The following TNKS variants were observed in gnomAD, a reference collection of about 807,000 sequenced individuals.
The protein encoded by TNKS is tankyrase.
TNKS carries 72 observed loss-of-function variants against 135.8 expected under a neutral mutation model. That is an observed-to-expected ratio of 0.53 (90% CI 0.44 to 0.64). The LOEUF (loss-of-function observed/expected upper bound fraction) is 0.64, where lower values mean the gene tolerates loss of function less well. Among genes scored for constraint, TNKS ranks in the 30% least tolerant of loss-of-function variants. The pLI is 0.00. For missense variants in TNKS, 1,769 were observed against 1,674.0 expected, an observed-to-expected ratio of 1.06 and a Z score of -0.99; for synonymous variants, 849 against 649.3, an observed-to-expected ratio of 1.31 and a Z score of -4.68.
At position 9,704,651 on chromosome 8, in the gene TNKS, T is replaced by C. The variant is rs1261139080; in HGVS notation, c.1108-12T>C. 11 of 1,604,904 alleles carry C rather than the reference T, an allele frequency of 6.9e-6. No homozygotes were observed. The South Asian group carries it at 1.2e-4, about 18-fold the overall frequency. On this transcript the variant is annotated splice_polypyrimidine_tract_variant and intron_variant, in intron 5 of 26. Transcript: ENST00000310430. The stretch of plus-strand genomic sequence containing the variant: ...TGTTTTTACCTGAAAAGGGGATGTT[T>C]TTCTTTTCTAGTCGACTCCTTTACA...
chr8:9,569,886 TG>T (rs1797693129), intron 1 of TNKS, among the ~76,000 whole-genome samples: 1 of 152,232 alleles, frequency 6.6e-6, no homozygotes, highest in Non-Finnish European at 1.5e-5. Flanking sequence ...TGTAAGCTTT[TG>T]AAATCTATTG....
intron 11 of TNKS, among the ~76,000 whole-genome samples, chr8:9,712,448 G>A (rs1348980638): frequency 1.3e-5 from 2 of 151,810 alleles, no homozygotes; most frequent in Non-Finnish European, 2.9e-5. Context: ...CCACTGTACT[G>A]CAGCCTGGGC....
At chr8:9,589,981 G>A (rs1798531999) in intron 2 of TNKS, among the ~76,000 whole-genome samples, 1 of 152,188 alleles carries the variant, frequency 6.6e-6, no homozygotes, top group Admixed American at 6.5e-5. Flanking sequence ...CCCGTTGAAT[G>A]TTACGTACAA....
chr8:9,684,557 CTA>C (rs1802909077), intron 5 of TNKS, among the ~76,000 whole-genome samples: 1 of 152,008 alleles, frequency 6.6e-6, no homozygotes, highest in African/African-American at 2.4e-5. Flanking sequence ...GGGTTAGGGA[CTA>C]TTGCACATAT....
chr8:9,609,386 G>C (rs569582861), intron 2 of TNKS, among the ~76,000 whole-genome samples: 1 of 152,198 alleles, frequency 6.6e-6, no homozygotes, highest in Non-Finnish European at 1.5e-5. Context: ...AACCAGAGCT[G>C]TAATTCTGTA....
intron 17 of TNKS, among the ~76,000 whole-genome samples, chr8:9,738,658 C>A (rs1805768350): frequency 1.8e-5 from 1 of 55,962 alleles, no homozygotes; most frequent in Non-Finnish European, 3.4e-5. Context: ...TCGTTATGTA[C>A]CCAGTAGTCA....
chr8:9,658,060 G>T (rs376384452), intron 3 of TNKS, among the ~76,000 whole-genome samples: 3 of 84,844 alleles, frequency 3.5e-5, no homozygotes, highest in African/African-American at 1.4e-4. Flanking sequence ...GGGCAGAGAC[G>T]CTCCTCACTT....
chr8:9,728,728 T>G (rs1805276493), intron 13 of TNKS, among the ~76,000 whole-genome samples: 1 of 152,210 alleles, frequency 6.6e-6, no homozygotes, highest in Non-Finnish European at 1.5e-5. Flanking sequence ...CACAGACTCA[T>G]TTGTCATGAA....
intron 5 of TNKS, among the ~76,000 whole-genome samples, chr8:9,690,497 C>G (rs537624367): frequency 6.6e-6 from 1 of 152,118 alleles, no homozygotes; most frequent in Non-Finnish European, 1.5e-5. Context: ...TGGTGGCTCA[C>G]GCCTGTAATC....
rs1421282860 is a variant in TNKS, at chr8:9,780,581, C to T, written c.*3845C>T. 5 of 152,198 alleles carry T rather than the reference C, an allele frequency of 3.3e-5. No homozygotes were observed. Among genetic ancestry groups the T allele is most frequent in the Non-Finnish European group, 7.3e-5 (5 of 68,028 alleles). The allele number at this position is 152,198 out of a possible 1,614,324, so 9.4% of individuals were successfully genotyped here. ...GCACTCGAAAACTACTATTCTAGAA[C>T]ATGAGGCTTCTTCAGCAACTTGTGC... On this transcript the variant is annotated 3_prime_UTR_variant, in exon 27 of 27. Transcript: ENST00000310430.
chr8:9,747,501 A>G (rs1040501382), intron 17 of TNKS, among the ~76,000 whole-genome samples: 4 of 152,202 alleles, frequency 2.6e-5, no homozygotes, highest in Admixed American at 2.0e-4. Context: ...AATTTTCATA[A>G]AATGTTATGT....
chr8:9,661,715 A>G (rs1405737134), intron 3 of TNKS, among the ~76,000 whole-genome samples: 3 of 152,240 alleles, frequency 2.0e-5, no homozygotes, highest in Non-Finnish European at 4.4e-5. Flanking sequence ...AATGGCAACA[A>G]AAGTCAAAAT....
chr8:9,556,721 G>T, intron 1 of TNKS, 109 bp downstream of exon 1: 1 of 1,301,538 alleles, frequency 7.7e-7, no homozygotes, highest in Non-Finnish European at 1.1e-6. Context: ...CGTGGTTATG[G>T]TTCTTCATCA....
At chr8:9,698,173 TC>T (rs1803607431) in intron 5 of TNKS, among the ~76,000 whole-genome samples, 1 of 152,114 alleles carries the variant, frequency 6.6e-6, no homozygotes, top group Admixed American at 6.6e-5. Flanking sequence ...TATCACATGT[TC>T]TCACTTATAA....
chr8:9,619,977 G>A (rs2128767184), intron 3 of TNKS, among the ~76,000 whole-genome samples: 1 of 150,524 alleles, frequency 6.6e-6, no homozygotes, highest in Non-Finnish European at 1.5e-5. Context: ...TTGCGACGGA[G>A]TCTCACTCTG....
chr8:9,605,236 A>G (rs1318469905), intron 2 of TNKS, among the ~76,000 whole-genome samples: 1 of 152,016 alleles, frequency 6.6e-6, no homozygotes, highest in Non-Finnish European at 1.5e-5. Context: ...ATTATAGATT[A>G]ATTTTCCCTT....
intron 2 of TNKS, among the ~76,000 whole-genome samples, chr8:9,604,395 T>C (rs1799139594): frequency 6.6e-6 from 1 of 152,128 alleles, no homozygotes; most frequent in Non-Finnish European, 1.5e-5. Context: ...AATAGGAATA[T>C]GGGGTTTTTA....
In TNKS at chr8:9,726,581, A is replaced by G. The variant is rs562068681; in HGVS notation, c.1922-60A>G. 2.5e-5 allele frequency: 31 copies of G among 1,239,960 alleles called. No homozygotes were observed. The Middle Eastern group carries it at 5.9e-4, about 24-fold the overall frequency. 76.8% of individuals were successfully genotyped at this position (1,239,960 alleles called of 1,614,324 possible). The stretch of plus-strand genomic sequence containing the variant: ...AGAACCATTTTTGTTTCCAAAATCA[A>G]TGCAGTTGGAATATATGAGTTTGGA... On this transcript the variant is annotated intron_variant, in intron 12 of 26. Coordinates refer to ENST00000310430, the MANE Select transcript of TNKS (RefSeq NM_003747.3).
intron 1 of TNKS, chr8:9,566,258 A>G (rs906334834): frequency 1.3e-5 from 2 of 152,172 alleles, no homozygotes; most frequent in Admixed American, 1.3e-4. Flanking sequence ...TCTTCTTTGC[A>G]GGAAAATATT....
Sources: allele counts gnomAD v4.1 joint callset (sites outside exome capture counted in the v4.1 genomes callset), GRCh38; gene constraint gnomAD v4.1.1; transcripts MANE v1.5; gene names NCBI Gene and HGNC (gene_info 2026-07-23, HGNC 2026-07-21).